The following DOCK9 variants were observed in gnomAD, a reference collection of about 807,000 sequenced individuals.
DOCK9 encodes the protein dedicator of cytokinesis protein 9.
In DOCK9, 89 loss-of-function variants were observed where a neutral mutation model predicts 263.3. The ratio of observed to expected loss-of-function variants is 0.34; its 90% confidence interval spans 0.28 to 0.40. DOCK9 has a LOEUF of 0.40. DOCK9 is among the 10% of genes least tolerant of loss of function. The probability of loss-of-function intolerance (pLI) is 1.00; values close to 1 mark genes in which losing one functional copy is unlikely to be tolerated. For synonymous variants in DOCK9, 976 were observed against 973.1 expected (o/e 1.00, Z -0.06); for missense variants, 2,140 against 2,603.4 (o/e 0.82, Z 3.87).
At chr13:99,004,784 G>GAGACAC (rs1274805309) in intron 1 of DOCK9, among the ~76,000 whole-genome samples, 1 of 148,040 alleles carries the variant, frequency 6.8e-6, no homozygotes, top group African/African-American at 2.5e-5. Context: ...AAAAACTATA[G>GAGACAC]ACACACACAC....
intron 50 of DOCK9, among the ~76,000 whole-genome samples, chr13:98,798,930 T>C (rs1232233762): frequency 1.3e-5 from 2 of 152,356 alleles, no homozygotes; most frequent in East Asian, 1.9e-4. Context: ...AGCCCTACCC[T>C]GGACTGGTGC....
chr13:99,063,732 C>T (rs531186742), intron 1 of DOCK9, among the ~76,000 whole-genome samples: 2 of 152,102 alleles, frequency 1.3e-5, no homozygotes, highest in Admixed American at 6.5e-5. Flanking sequence ...CAAACCCATA[C>T]AAAATATAAG....
At chr13:98,946,673 C>A (rs1444516458) in intron 2 of DOCK9, among the ~76,000 whole-genome samples, 2 of 152,220 alleles carry the variant, frequency 1.3e-5, no homozygotes, top group Non-Finnish European at 2.9e-5. Context: ...CTTCTCAGCT[C>A]ATTCTTGCTT....
chr13:98,820,794 T>G (rs1329592353), intron 45 of DOCK9: 3 of 255,468 alleles, frequency 1.2e-5, no homozygotes, highest in Non-Finnish European at 1.5e-5. Context: ...ATTATTAATT[T>G]GATCCCTTAA....
At chr13:98,872,608 T>G (rs1252825261) in intron 27 of DOCK9, among the ~76,000 whole-genome samples, 1 of 152,148 alleles carries the variant, frequency 6.6e-6, no homozygotes, top group Non-Finnish European at 1.5e-5. Context: ...CGTCTCACTA[T>G]GTTGCTCAGG....
At position 98,904,676 on chromosome 13, in the gene DOCK9, T is replaced by A; in HGVS notation, c.991A>T (p.Ser331Cys). Residue 331 changes from serine (S) to cysteine (C), a missense_variant, in exon 10 of 53, where the codon AGT becomes TGT. Transcript: ENST00000682017. ...TAAAAAAGTTTGACTCTGCTTTCAC[T>A]TTTCAGTTTGATTTCTGCTTCTCTT... ...SAREAEIKLK[S>C]ESRVKLFYLD... The A allele has an allele frequency of 6.4e-7, 1 of 1,557,708 alleles. No homozygotes were observed. The highest frequency in any genetic ancestry group is 8.7e-7 in the Non-Finnish European group (1 of 1,149,442).
chr13:99,071,306 C>CCTTTTTTTTTTTTTTT (rs1286343497), intron 1 of DOCK9, among the ~76,000 whole-genome samples: 2 of 49,320 alleles, frequency 4.1e-5, no homozygotes, highest in Admixed American at 2.8e-4. Context: ...CCATGCCTGG[C>CCTTTTTTTTTTTTTTT]TTTTTTTTTT....
At chr13:98,913,617 T>G (rs2050412997) in intron 9 of DOCK9, among the ~76,000 whole-genome samples, 1 of 152,138 alleles carries the variant, frequency 6.6e-6, no homozygotes, top group Non-Finnish European at 1.5e-5. Context: ...AAAATGAAAG[T>G]AAAACTTTTA....
intron 1 of DOCK9, among the ~76,000 whole-genome samples, chr13:99,011,573 A>G (rs1347559697): frequency 6.6e-6 from 1 of 152,240 alleles, no homozygotes; most frequent in Non-Finnish European, 1.5e-5. Flanking sequence ...ACACCAAAAA[A>G]CAGAAATGAC....
At chr13:98,972,417 T>C (rs1470998290) in intron 1 of DOCK9, among the ~76,000 whole-genome samples, 1 of 103,012 alleles carries the variant, frequency 9.7e-6, no homozygotes, top group Non-Finnish European at 2.0e-5. Flanking sequence ...ATACAAGCGA[T>C]TTTAGTTTCT....
chr13:98,924,452 T>C (rs1379339097), intron 4 of DOCK9, among the ~76,000 whole-genome samples: 1 of 152,264 alleles, frequency 6.6e-6, no homozygotes, highest in African/African-American at 2.4e-5. Flanking sequence ...TCCATCACTA[T>C]TTGCTTTCAA....
At chr13:98,815,857 A>G (rs557356276) in intron 45 of DOCK9, among the ~76,000 whole-genome samples, 18 of 152,380 alleles carry the variant, frequency 1.2e-4, no homozygotes, top group South Asian at 2.1e-4. Context: ...ATGTAAATCT[A>G]CAATGACACC....
intron 27 of DOCK9, among the ~76,000 whole-genome samples, chr13:98,879,381 A>T (rs778766403): frequency 1.3e-5 from 2 of 152,172 alleles, no homozygotes; most frequent in Admixed American, 6.5e-5. Context: ...CGAGATGGAT[A>T]ATCTCAGAGT....
chr13:98,919,705 C>T (rs2051572723), intron 7 of DOCK9, among the ~76,000 whole-genome samples: 1 of 152,204 alleles, frequency 6.6e-6, no homozygotes, highest in Non-Finnish European at 1.5e-5. Flanking sequence ...GAATGATCTT[C>T]ATTCTGAGAT....
chr13:98,951,914 T>TTTTTTTTTTG (rs2057467177), intron 2 of DOCK9, among the ~76,000 whole-genome samples: 1 of 151,332 alleles, frequency 6.6e-6, no homozygotes. Context: ...TTTTTTTTTT[T>TTTTTTTTTTG]GAGATGGAGT....
intron 1 of DOCK9, among the ~76,000 whole-genome samples, chr13:98,962,265 G>C (rs2058715737): frequency 6.6e-6 from 1 of 152,050 alleles, no homozygotes; most frequent in Non-Finnish European, 1.5e-5. Flanking sequence ...TTGTTTCCCT[G>C]GATTTCTGGT....
intron 1 of DOCK9, among the ~76,000 whole-genome samples, chr13:99,035,807 A>G (rs1887812745): frequency 6.6e-6 from 1 of 152,204 alleles, no homozygotes; most frequent in East Asian, 1.9e-4. Flanking sequence ...ATACATGTGG[A>G]TACTTCTGCG....
At chr13:98,905,940 T>C (rs1276267137) in intron 9 of DOCK9, among the ~76,000 whole-genome samples, 1 of 152,174 alleles carries the variant, frequency 6.6e-6, no homozygotes, top group Non-Finnish European at 1.5e-5. Context: ...ACAATGTCTT[T>C]CTTGGGTTAT....
chr13:98,897,375 G>T, intron 15 of DOCK9, 113 bp downstream of exon 15: 1 of 1,305,886 alleles, frequency 7.7e-7, no homozygotes, highest in Non-Finnish European at 1.1e-6. Context: ...ACGCTCATTT[G>T]CCATCCCCTC....
Sources: gnomAD v4.1 joint callset for allele counts (sites outside exome capture counted in the v4.1 genomes callset) on GRCh38, gnomAD v4.1.1 for gene constraint, MANE v1.5 for transcripts, NCBI Gene and HGNC (gene_info 2026-07-23, HGNC 2026-07-21) for gene names.